UBR4: variants seen among roughly 807,000 people sequenced by gnomAD.
The protein encoded by UBR4 is E3 ubiquitin-protein ligase UBR4.
Under a neutral mutation model 575.6 loss-of-function variants are expected in UBR4, and 124 were observed. That is an observed-to-expected ratio of 0.22 (90% CI 0.19 to 0.25). The LOEUF (loss-of-function observed/expected upper bound fraction) is 0.25, where lower values mean the gene tolerates loss of function less well. Ranked by LOEUF, UBR4 falls within the 10% of genes least tolerant of loss-of-function variation. UBR4 has a pLI of 1.00. For synonymous variants in UBR4, 2,455 were observed against 2,473.7 expected, an observed-to-expected ratio of 0.99 and a Z score of 0.22; for missense variants, 4,818 against 6,478.8, an observed-to-expected ratio of 0.74 and a Z score of 8.80.
In UBR4 at chr1:19,173,517, C is replaced by G; in HGVS notation, c.3087G>C (p.Glu1029Asp). ...TGTGCAAGATGTCACATTCGCTCAT[C>G]TCAGGTGAGTTCATGGATAGCTGGT... ...YINQLSMNSP[E>D]MSECDILHTL... The change falls in exon 23 of 106, where the codon GAG becomes GAC. Residue 1029 changes from glutamate to aspartate, a missense_variant. Physicochemically the swap from Glu to Asp is conservative, Grantham distance 45 (BLOSUM62 2). Around this residue, in one of 29 missense-constraint regions of UBR4, gnomAD observed 1,172 missense variants for 1,259.7 expected, o/e 0.93. Transcript: ENST00000375254. 1 of 1,614,156 alleles carries G rather than the reference C, an allele frequency of 6.2e-7. No individual in the cohort carries two copies. The highest frequency in any genetic ancestry group is 1.1e-5 in the South Asian group (1 of 91,080).
intron 20 of UBR4, among the ~76,000 whole-genome samples, 180 bp from the exon 21 acceptor site, chr1:19,175,213 C>G (rs1019571790): frequency 6.6e-6 from 1 of 151,972 alleles, no homozygotes; most frequent in Non-Finnish European, 1.5e-5. Flanking sequence ...GGTGACTTAA[C>G]AGCAGCCCTG....
chr1:19,176,797 T>C, intron 19 of UBR4, 70 bp from the exon 20 acceptor site: 1 of 1,546,416 alleles, frequency 6.5e-7, no homozygotes, highest in Non-Finnish European at 8.8e-7. Context: ...TCAGGCATGA[T>C]AATAGCTCGG....
rs1337382833 is a variant in UBR4, at chr1:19,088,255, C to G, written c.14431-326G>C. 6.6e-6 allele frequency among the ~76,000 whole-genome samples: 1 copy of G among 152,230 alleles called. No individual in the cohort carries two copies. The highest frequency in any genetic ancestry group is 1.5e-5 in the Non-Finnish European group (1 of 68,046). On this transcript the variant is annotated intron_variant, in intron 98 of 105. Transcript: ENST00000375254. The surrounding 1 kb of genome is among the most constrained non-coding windows in gnomAD (Gnocchi z 4.0). The stretch of plus-strand genomic sequence containing the variant: ...GTCTCAGCTTCCAAGGGTTGTTGCA[C>G]TATGATTCATTCACTGTTCCCAGGT...
intron 17 of UBR4, among the ~76,000 whole-genome samples, chr1:19,179,998 G>C (rs1390738682): frequency 1.3e-5 from 2 of 152,066 alleles, no homozygotes; most frequent in Non-Finnish European, 2.9e-5. Context: ...GCAAAATGTC[G>C]CTGGCCTCAA....
intron 9 of UBR4, 22 bp downstream of exon 9, chr1:19,193,411 T>C: frequency 6.2e-7 from 1 of 1,611,862 alleles, no homozygotes; most frequent in Middle Eastern, 1.7e-4. Flanking sequence ...AAGGTTCCCT[T>C]ATCCCCAGAT....
Position 19,154,030 on chromosome 1 carries a change from G to A in UBR4, c.6459-91C>T, listed in dbSNP as rs150699988. 228 of 1,426,894 alleles carry A rather than the reference G, an allele frequency of 1.6e-4. 1 individual carries two copies. In the South Asian group the frequency reaches 2.7e-3, roughly 17 times the overall value. 88.4% of individuals were successfully genotyped at this position (1,426,894 alleles called of 1,614,324 possible). ...TAAAAACCATCCTCTAACTGGCTAC[G>A]TGACTCCAAAGCAATATCCTTGGCC... On this transcript the variant is annotated intron_variant, in intron 44 of 105. Coordinates refer to ENST00000375254, the MANE Select transcript of UBR4 (RefSeq NM_020765.3).
intron 49 of UBR4, 49 bp from the exon 50 acceptor site, chr1:19,148,675 T>C (rs780319241): frequency 6.2e-7 from 1 of 1,606,864 alleles, no homozygotes; most frequent in Non-Finnish European, 8.5e-7. Flanking sequence ...TCTCTCCGCC[T>C]TGCGCTTTAG....
intron 49 of UBR4, 92 bp downstream of exon 49, chr1:19,150,485 G>T: frequency 7.1e-7 from 1 of 1,405,296 alleles, no homozygotes; most frequent in Non-Finnish European, 1.0e-6. Flanking sequence ...CCTTGAGATG[G>T]TTATTAGAAG....
At position 19,081,713 on chromosome 1, in the gene UBR4, C is replaced by G. The variant is rs760965531; in HGVS notation, c.15009-140G>C. On this transcript the variant is annotated intron_variant, in intron 102 of 105. Transcript: ENST00000375254. ...GATGACTCAACACTCCCCACCCATC[C>G]TTGCCGACTACTCCCACTTCCTCTG... The G allele has an allele frequency of 9.9e-6, 9 of 905,714 alleles. No homozygotes were observed. The African/African-American group carries it at 1.5e-4, about 15-fold the overall frequency. The allele number at this position is 905,714 out of a possible 1,614,324, so 56.1% of individuals were successfully genotyped here. A position where few individuals can be genotyped will look rare whatever the true frequency, so the allele number is the denominator to read the frequency against.
chr1:19,150,667 T>C lies in UBR4; in HGVS notation c.7340A>G (p.Asn2447Ser), dbSNP rs1377357236. Residue 2447 changes from asparagine (N) to serine (S), a missense_variant, in exon 49 of 106, where the codon AAC becomes AGC. Asn to Ser is a conservative substitution (Grantham distance 46). Around this residue, in one of 29 missense-constraint regions of UBR4, gnomAD observed 340 missense variants for 375.4 expected, o/e 0.91. Transcript: ENST00000375254. ...CTGGTTCAGATTTGAAGGGCAGATG[T>C]TGCTGACAGAGGCAGAAGGGAATTC... ...PEEFPSASVS[N>S]ICPSNLNQSN... 6.2e-7 allele frequency: 1 copy of C among 1,614,130 alleles called. No homozygotes were observed. Among genetic ancestry groups the C allele is most frequent in the Admixed American group, 1.7e-5 (1 of 60,024 alleles).
intron 51 of UBR4, 135 bp downstream of exon 51, chr1:19,147,858 C>G (rs372627437): frequency 2.2e-6 from 3 of 1,342,876 alleles, no homozygotes. Context: ...AGGAGAAACT[C>G]TGTAAAATGT....
At chr1:19,190,491 A>G (rs547472128) in intron 11 of UBR4, among the ~76,000 whole-genome samples, 7 of 151,932 alleles carry the variant, frequency 4.6e-5, no homozygotes, top group African/African-American at 1.7e-4. Context: ...CCAGACTCAC[A>G]TATCCAACTG....
chr1:19,202,154 C>T (rs1468068211), intron 1 of UBR4, among the ~76,000 whole-genome samples: 2 of 152,114 alleles, frequency 1.3e-5, no homozygotes, highest in African/African-American at 4.8e-5. Context: ...TATTGAACCA[C>T]TGCACTCCAG....
chr1:19,143,805 C>T (rs947589844), intron 55 of UBR4, among the ~76,000 whole-genome samples, 175 bp downstream of exon 55: 1 of 152,156 alleles, frequency 6.6e-6, no homozygotes, highest in East Asian at 1.9e-4. Context: ...TTACTATATA[C>T]ATTTTGATGT....
Position 19,197,680 on chromosome 1 carries a change from C to A in UBR4, c.883G>T (p.Val295Phe), listed in dbSNP as rs1400633322. The change falls in exon 7 of 106, where the codon GTT (valine) becomes TTT (phenylalanine). Residue 295 changes from valine (V) to phenylalanine (F), a missense_variant. By Grantham distance (50) the Val-to-Phe change is conservative. Transcript: ENST00000375254. The part of the protein sequence containing the change: ...MPATVADATA[V>F]RNGFHSLVID... Reference sequence around the variant, plus strand: ...TGTGAAGCACCTTACCCATTACGAACAGCAGTGGCATCTGCTACTGTTGCA... The same window carrying A: ...TGTGAAGCACCTTACCCATTACGAAAAGCAGTGGCATCTGCTACTGTTGCA... The A allele has an allele frequency of 6.2e-7, 1 of 1,614,062 alleles. No homozygotes were observed. Among genetic ancestry groups the A allele is most frequent in the Admixed American group, 1.7e-5 (1 of 60,010 alleles).
In UBR4 at chr1:19,138,979, T is replaced by C. The variant is rs1408058044; in HGVS notation, c.8731+104A>G. ...GTCCACAAGACTTTCAATGAGTCTC[T>C]ATACCTTTTCTTTGCAAAAACCAAC... is the stretch of plus-strand genomic sequence containing the variant. On this transcript the variant is annotated intron_variant, in intron 59 of 105. Coordinates refer to ENST00000375254, the MANE Select transcript of UBR4 (RefSeq NM_020765.3). 7.8e-6 allele frequency: 11 copies of C among 1,405,142 alleles called. No homozygotes were observed. The African/African-American group carries it at 8.5e-5, about 11-fold the overall frequency. The allele number at this position is 1,405,142 out of a possible 1,614,324, so 87.0% of individuals were successfully genotyped here.
In UBR4 at chr1:19,096,609, C is replaced by T; in HGVS notation, c.13432G>A (p.Val4478Met). The T allele has an allele frequency of 6.2e-7, 1 of 1,613,818 alleles. No individual in the cohort carries two copies. The highest frequency in any genetic ancestry group is 8.5e-7 in the Non-Finnish European group (1 of 1,179,942). Residue 4478 changes from valine (V) to methionine (M), a missense_variant, in exon 92 of 106, where the codon GTG becomes ATG. By Grantham distance (21) the Val-to-Met change is conservative (BLOSUM62 1). Around this residue, in one of 29 missense-constraint regions of UBR4, gnomAD observed 165 missense variants for 282.3 expected, o/e 0.58. Transcript: ENST00000375254. ...DEEEVYKMAG[V>M]MAQCGGLECM... ...TCCAGGCCCCCACACTGGGCCATCA[C>T]ACCAGCCATTTTATACACTTCTTCT... is the stretch of plus-strand genomic sequence containing the variant.
At position 19,146,992 on chromosome 1, in the gene UBR4, G is replaced by A. The variant is rs541537239; in HGVS notation, c.7638C>T (p.Ala2546=). The A allele has an allele frequency of 1.2e-5, 19 of 1,598,518 alleles. No homozygotes were observed. Among genetic ancestry groups the A allele is most frequent in the Admixed American group, 1.2e-4 (7 of 58,954 alleles). The stretch of plus-strand genomic sequence containing the variant: ...GACACTGCACAGCTTTGCTCAGCAA[G>A]GCCTGATCCTGTAAAACAACAGGAG... ...RSAYHSHKDQ[A]LLSKAVQCLN... is the part of the protein sequence containing the mutation. The change falls in exon 52 of 106, where the codon GCC becomes GCT. Residue 2546 remains alanine, a synonymous_variant. Transcript: ENST00000375254.
chr1:19,133,930 T>A (rs566109160), intron 60 of UBR4, among the ~76,000 whole-genome samples: 2 of 151,928 alleles, frequency 1.3e-5, no homozygotes, highest in South Asian at 4.2e-4. Flanking sequence ...AATACAATAA[T>A]TAGCTGGGTG....
Sources: gnomAD v4.1 joint callset for allele counts (sites outside exome capture counted in the v4.1 genomes callset) on GRCh38, gnomAD v4.1.1 for gene constraint, gnomAD v4.1.1 regional missense constraint, Gnocchi (gnomAD v3.1) non-coding constraint, MANE v1.5 for transcripts, NCBI Gene and HGNC (gene_info 2026-07-23, HGNC 2026-07-21) for gene names.